Variants in CNTLN observed in about 807,000 individuals in gnomAD.
CNTLN encodes the protein centlein, centrosomal protein.
A neutral mutation model predicts 180.0 loss-of-function variants in CNTLN; 212 were observed. The observed-to-expected ratio is 1.18, with a 90% CI of 1.05 to 1.32. The LOEUF (loss-of-function observed/expected upper bound fraction) is 1.32, where lower values mean the gene tolerates loss of function less well. CNTLN is among the 40% of genes most tolerant of loss of function. CNTLN has a pLI of 0.00. For synonymous variants in CNTLN, 722 were observed against 563.1 expected (o/e 1.28, Z -3.99); for missense variants, 2,095 against 1,610.9 (o/e 1.30, Z -5.14).
At chr9:17,171,643 A>G (rs1309275666) in intron 2 of CNTLN, among the ~76,000 whole-genome samples, 1 of 151,828 alleles carries the variant, frequency 6.6e-6, no homozygotes, top group Non-Finnish European at 1.5e-5. Flanking sequence ...GTGGCCATGG[A>G]GCTGATGTTT....
At chr9:17,395,721 C>T (rs1334079547) in intron 15 of CNTLN, among the ~76,000 whole-genome samples, 1 of 152,134 alleles carries the variant, frequency 6.6e-6, no homozygotes, top group Non-Finnish European at 1.5e-5. Context: ...TAGTGAACAG[C>T]AACAGGAGGA....
At chr9:17,408,597 C>G (rs536071547) in intron 15 of CNTLN, among the ~76,000 whole-genome samples, 4 of 151,818 alleles carry the variant, frequency 2.6e-5, no homozygotes, top group Non-Finnish European at 5.9e-5. Context: ...GTCAGGAGAT[C>G]GAGACCATCC....
chr9:17,138,666 A>G (rs1817881681), intron 1 of CNTLN, among the ~76,000 whole-genome samples: 1 of 152,178 alleles, frequency 6.6e-6, no homozygotes, highest in African/African-American at 2.4e-5. Flanking sequence ...CTGGTGCCAT[A>G]TTTTGTAAGT....
chr9:17,446,117 C>T (rs1159628006), intron 18 of CNTLN, among the ~76,000 whole-genome samples: 2 of 152,168 alleles, frequency 1.3e-5, no homozygotes, highest in African/African-American at 4.8e-5. Context: ...GTGACCCTGA[C>T]ACATCCCCCT....
At chr9:17,142,083 G>GAAAA (rs1180057903) in intron 1 of CNTLN, among the ~76,000 whole-genome samples, 2 of 57,616 alleles carry the variant, frequency 3.5e-5, no homozygotes, top group Non-Finnish European at 3.6e-5. Flanking sequence ...CTCTGTCTCA[G>GAAAA]AAAAAAAAAA....
At chr9:17,454,815 C>T (rs1364719750) in intron 18 of CNTLN, among the ~76,000 whole-genome samples, 2 of 152,108 alleles carry the variant, frequency 1.3e-5, no homozygotes, top group Non-Finnish European at 2.9e-5. Context: ...CCAGAGAATT[C>T]GAATCCGGAA....
chr9:17,268,698 A>C (rs867387963), intron 5 of CNTLN, among the ~76,000 whole-genome samples: 1 of 152,046 alleles, frequency 6.6e-6, no homozygotes, highest in Non-Finnish European at 1.5e-5. Context: ...ACCCAGTTCC[A>C]GCTTCAGGGC....
In CNTLN at chr9:17,463,097, A is replaced by G. The variant is rs565300130; in HGVS notation, c.3404+84A>G. 281 of 736,358 alleles carry G rather than the reference A, an allele frequency of 3.8e-4. 1 individual carries two copies. Among genetic ancestry groups the G allele is most frequent in the South Asian group, 3.1e-3 (162 of 53,112 alleles). 45.6% of individuals were successfully genotyped at this position (736,358 alleles called of 1,614,324 possible). ...ATTAAACGTGCTCCAAGAAACTGCTAATGTTTACGTTTTCCTTCCCTAGTT... is the reference window on the plus strand; with the variant it reads ...ATTAAACGTGCTCCAAGAAACTGCTGATGTTTACGTTTTCCTTCCCTAGTT... On this transcript the variant is annotated intron_variant, in intron 20 of 25. Transcript: ENST00000380647.
At chr9:17,518,036 CT>C in the CNTLN span, among the ~76,000 whole-genome samples, 48 of 69,242 alleles carry the variant, frequency 6.9e-4, no homozygotes, top group East Asian at 3.0e-3. Flanking sequence ...TTTTCTTTTC[CT>C]TTTTTTTTTT....
chr9:17,500,570 G>C (rs560452434), intron 25 of CNTLN, among the ~76,000 whole-genome samples: 19 of 152,284 alleles, frequency 1.2e-4, no homozygotes, highest in Non-Finnish European at 2.1e-4. Context: ...ATGGACAAGT[G>C]AATTTAGAAA....
intron 2 of CNTLN, among the ~76,000 whole-genome samples, chr9:17,214,458 C>A (rs567455421): frequency 1.3e-5 from 2 of 152,306 alleles, no homozygotes; most frequent in South Asian, 4.1e-4. Flanking sequence ...TTGTGGGTAA[C>A]CCGACCTTTC....
chr9:17,301,771 G>T, intron 7 of CNTLN: 1 of 972,756 alleles, frequency 1.0e-6, no homozygotes, highest in Non-Finnish European at 1.2e-6. Context: ...AATTGTTTTG[G>T]TGGCTGTATG....
the CNTLN span, among the ~76,000 whole-genome samples, chr9:17,517,442 A>G: frequency 6.6e-6 from 1 of 151,814 alleles, no homozygotes; most frequent in Non-Finnish European, 1.5e-5. Context: ...AAAATAAATG[A>G]AAAAAAAGAA....
intron 12 of CNTLN, among the ~76,000 whole-genome samples, chr9:17,349,340 C>G (rs577356167): frequency 6.6e-6 from 1 of 152,220 alleles, no homozygotes; most frequent in South Asian, 2.1e-4. Flanking sequence ...CATACTCAGT[C>G]TTAACTGTTT....
chr9:17,409,502 T>C (rs1323966483), intron 16 of CNTLN, 29 bp downstream of exon 16: 2 of 1,499,778 alleles, frequency 1.3e-6, no homozygotes, highest in African/African-American at 2.8e-5. Flanking sequence ...CTTAATTGTA[T>C]GCTATGTTTT....
chr9:17,207,850 C>G (rs1232006297), intron 2 of CNTLN, among the ~76,000 whole-genome samples: 4 of 152,116 alleles, frequency 2.6e-5, no homozygotes, highest in Non-Finnish European at 5.9e-5. Flanking sequence ...TTTATCAGTC[C>G]TAATAATTTT....
intron 8 of CNTLN, among the ~76,000 whole-genome samples, chr9:17,321,084 T>C (rs916245106): frequency 2.0e-5 from 3 of 152,232 alleles, no homozygotes; most frequent in African/African-American, 7.2e-5. Flanking sequence ...GGTTTTTCAC[T>C]TTCACTTTTA....
At chr9:17,205,705 A>G (rs571426223) in intron 2 of CNTLN, among the ~76,000 whole-genome samples, 5 of 152,328 alleles carry the variant, frequency 3.3e-5, no homozygotes, top group African/African-American at 4.8e-5. Context: ...GGATGCCCCA[A>G]TGGCAACAAA....
chr9:17,378,222 C>T (rs925516911), intron 13 of CNTLN, among the ~76,000 whole-genome samples: 2 of 152,142 alleles, frequency 1.3e-5, no homozygotes, highest in African/African-American at 4.8e-5. Context: ...CCTCTGTCAC[C>T]AGGCTGGAAT....
Sources: allele counts gnomAD v4.1 joint callset (sites outside exome capture counted in the v4.1 genomes callset), GRCh38; gene constraint gnomAD v4.1.1; transcripts MANE v1.5; gene names NCBI Gene and HGNC (gene_info 2026-07-23, HGNC 2026-07-21).